The following SNX29 variants were observed in gnomAD, a reference collection of about 807,000 sequenced individuals.
The protein encoded by SNX29 is sorting nexin-29.
SNX29 carries 78 observed loss-of-function variants against 102.1 expected under a neutral mutation model. The ratio of observed to expected loss-of-function variants is 0.76; its 90% CI spans 0.64 to 0.92. The LOEUF (loss-of-function observed/expected upper bound fraction) is 0.92. Among genes scored for constraint, SNX29 ranks in the 40% least tolerant of loss-of-function variants. The probability of loss-of-function intolerance (pLI) is 0.00; values close to 1 mark genes in which losing one functional copy is unlikely to be tolerated. For missense variants in SNX29, 1,280 were observed against 1,061.7 expected, an observed-to-expected ratio of 1.21 and a Z score of -2.86; for synonymous variants, 580 against 414.5, an observed-to-expected ratio of 1.40 and a Z score of -4.85.
chr16:12,292,260 G>A (rs2079823172), intron 15 of SNX29, among the ~76,000 whole-genome samples: 1 of 152,164 alleles, frequency 6.6e-6, no homozygotes, highest in Admixed American at 6.5e-5. Context: ...TGAGACAGAG[G>A]CAAGACGCCT....
intron 15 of SNX29, among the ~76,000 whole-genome samples, chr16:12,293,531 T>C (rs939492426): frequency 6.6e-6 from 1 of 152,224 alleles, no homozygotes; most frequent in African/African-American, 2.4e-5. Context: ...AAGACGTTTC[T>C]AAAGCCTGAA....
At chr16:11,983,354 G>T (rs1310083156) in intron 1 of SNX29, among the ~76,000 whole-genome samples, 1 of 148,126 alleles carries the variant, frequency 6.8e-6, no homozygotes, top group Non-Finnish European at 1.5e-5. Context: ...GATTATAGTT[G>T]TGAGCCACTG....
intron 2 of SNX29, 129 bp from the exon 3 acceptor site, chr16:12,002,862 C>T: frequency 1.0e-6 from 1 of 974,204 alleles, no homozygotes; most frequent in South Asian, 1.5e-5. Flanking sequence ...CAGGGACGTC[C>T]TCACTTGGCA....
chr16:12,161,906 C>G (rs1051769598), intron 13 of SNX29, among the ~76,000 whole-genome samples: 1 of 152,170 alleles, frequency 6.6e-6, no homozygotes, highest in Non-Finnish European at 1.5e-5. Context: ...CCAAATAGAC[C>G]TCCCTTCCAT....
chr16:12,028,384 G>T (rs139077946), intron 4 of SNX29, among the ~76,000 whole-genome samples: 86 of 152,036 alleles, frequency 5.7e-4, no homozygotes, highest in Middle Eastern at 3.4e-3. Context: ...ATTTTTTAGA[G>T]TTGGGGTCTT....
chr16:12,546,017 C>G (rs763049543), intron 20 of SNX29, among the ~76,000 whole-genome samples: 6 of 152,038 alleles, frequency 3.9e-5, no homozygotes, highest in Non-Finnish European at 7.4e-5. Context: ...AAACAGAAAA[C>G]AAAAAAACCC....
chr16:12,270,163 C>G (rs568435887), intron 14 of SNX29, among the ~76,000 whole-genome samples: 9 of 152,012 alleles, frequency 5.9e-5, no homozygotes, highest in African/African-American at 2.2e-4. Context: ...CGTCCAGCCC[C>G]GTTCTTTCAG....
At chr16:12,568,031 C>T (rs181540871) in intron 20 of SNX29, among the ~76,000 whole-genome samples, 84 of 152,280 alleles carry the variant, frequency 5.5e-4, no homozygotes, top group African/African-American at 1.9e-3. Flanking sequence ...TTTTAACTAG[C>T]CCCTAGCCTA....
chr16:12,078,869 G>C lies in SNX29; in HGVS notation c.1356G>C (p.Leu452=). 2 of 1,607,118 alleles carry C rather than the reference G, an allele frequency of 1.2e-6. No individual in the cohort carries two copies. The highest frequency in any genetic ancestry group is 1.7e-6 in the Non-Finnish European group (2 of 1,177,010). Residue 452 remains leucine, a synonymous_variant, in exon 11 of 21, where the codon CTG becomes CTC. Transcript: ENST00000566228. ...EASSPGHGSP[L]SSLLPSASVP... is the part of the protein sequence containing the mutation. ...GCTCTCCAGGCCACGGAAGTCCTCT[G>C]AGCAGCCTGTTACCTTCTGCCTCAG...
At chr16:12,259,909 G>A (rs972567689) in intron 14 of SNX29, among the ~76,000 whole-genome samples, 7 of 151,516 alleles carry the variant, frequency 4.6e-5, no homozygotes, top group Non-Finnish European at 1.0e-4. Flanking sequence ...CATCCAAAGT[G>A]CCCTGCCACC....
intron 16 of SNX29, among the ~76,000 whole-genome samples, chr16:12,361,127 C>T (rs963343972): frequency 4.6e-5 from 7 of 152,212 alleles, no homozygotes; most frequent in Non-Finnish European, 8.8e-5. Flanking sequence ...TGAGAAAGGA[C>T]AATGGGATGT....
rs750146655 is a variant in SNX29 at position 12,052,215 on chromosome 16, C to A, written c.1117C>A (p.Pro373Thr). Reference sequence around the variant, plus strand: ...GAAGCACAGGGGCCACTCGGAGTCGCCCGAGAAGTAAGTTTGTGTGTAAGG... The same window carrying A: ...GAAGCACAGGGGCCACTCGGAGTCGACCGAGAAGTAAGTTTGTGTGTAAGG... ...GRKHRGHSESPEKPLEGNTCL... is the reference protein window; with the variant it reads ...GRKHRGHSESTEKPLEGNTCL... The change falls in exon 8 of 21, where the codon CCC (proline) becomes ACC (threonine). Residue 373 changes from proline to threonine, a missense_variant. By Grantham distance (38) the Pro-to-Thr change is conservative. Transcript: ENST00000566228. The A allele has an allele frequency of 6.2e-7, 1 of 1,613,822 alleles. No homozygotes were observed. The highest frequency in any genetic ancestry group is 1.1e-5 in the South Asian group (1 of 91,012).
At chr16:12,471,602 C>T (rs1160517626) in intron 18 of SNX29, among the ~76,000 whole-genome samples, 2 of 152,252 alleles carry the variant, frequency 1.3e-5, no homozygotes, top group Non-Finnish European at 2.9e-5. Flanking sequence ...CTTGGCACTA[C>T]CTCCTGCCCC....
chr16:12,214,411 G>A (rs1412500223), intron 14 of SNX29, among the ~76,000 whole-genome samples: 4 of 152,282 alleles, frequency 2.6e-5, no homozygotes, highest in Middle Eastern at 3.4e-3. Flanking sequence ...TTTCTGTCCT[G>A]GGAGCTGACA....
At chr16:12,157,864 C>G (rs143773932) in intron 13 of SNX29, among the ~76,000 whole-genome samples, 1 of 152,168 alleles carries the variant, frequency 6.6e-6, no homozygotes, top group African/African-American at 2.4e-5. Flanking sequence ...TCCGTCTGCC[C>G]GAGGGCTGGC....
intron 17 of SNX29, among the ~76,000 whole-genome samples, chr16:12,402,852 G>A (rs2084001096): frequency 6.6e-6 from 1 of 152,112 alleles, no homozygotes; most frequent in African/African-American, 2.4e-5. Context: ...CATCAGCCTG[G>A]TTTTCTAACT....
chr16:12,542,758 C>T (rs887356442), intron 20 of SNX29, among the ~76,000 whole-genome samples: 11 of 148,378 alleles, frequency 7.4e-5, no homozygotes, highest in Non-Finnish European at 1.3e-4. Flanking sequence ...ACTATCACTG[C>T]CTTTTTTTTT....
At chr16:12,124,387 A>G (rs913400122) in intron 11 of SNX29, among the ~76,000 whole-genome samples, 2 of 151,662 alleles carry the variant, frequency 1.3e-5, no homozygotes, top group African/African-American at 4.8e-5. Flanking sequence ...TTCTTTCTAC[A>G]CTGCCAGTTT....
chr16:12,464,043 G>A (rs1051217893), intron 18 of SNX29, among the ~76,000 whole-genome samples: 10 of 150,174 alleles, frequency 6.7e-5, no homozygotes, highest in South Asian at 2.1e-4. Context: ...GGCAACCCCC[G>A]TCTGTTCTCT....
Sources: allele counts gnomAD v4.1 joint callset (sites outside exome capture counted in the v4.1 genomes callset), GRCh38; gene constraint gnomAD v4.1.1; transcripts MANE v1.5; gene names NCBI Gene and HGNC (gene_info 2026-07-23, HGNC 2026-07-21).